Variants in DLGAP1 observed in about 807,000 individuals in gnomAD.
The protein encoded by DLGAP1 is DLG associated protein 1.
DLGAP1 carries 11 observed loss-of-function variants against 90.8 expected under a neutral mutation model. The observed-to-expected ratio is 0.12, with a 90% confidence interval of 0.08 to 0.20. The LOEUF (loss-of-function observed/expected upper bound fraction) is 0.20, where lower values mean the gene tolerates loss of function less well. DLGAP1 is among the 10% of genes least tolerant of loss of function. The pLI is 1.00. For missense variants in DLGAP1, 1,050 were observed against 1,333.8 expected (o/e 0.79, Z 3.31); for synonymous variants, 558 against 540.7 (o/e 1.03, Z -0.44).
intron 1 of DLGAP1, among the ~76,000 whole-genome samples, chr18:4,196,287 G>C (rs1235817566): frequency 1.3e-5 from 2 of 152,148 alleles, no homozygotes; most frequent in Non-Finnish European, 2.9e-5. Flanking sequence ...AGAACATAAG[G>C]GTGGAAACTG....
intron 2 of DLGAP1, among the ~76,000 whole-genome samples, chr18:4,040,878 T>C (rs900269465): frequency 3.3e-5 from 5 of 152,356 alleles, no homozygotes; most frequent in Non-Finnish European, 7.3e-5. Flanking sequence ...AGCTTTATCA[T>C]TGTGGCTGAA....
chr18:3,873,255 C>T (rs2070864144), intron 4 of DLGAP1, among the ~76,000 whole-genome samples: 1 of 151,936 alleles, frequency 6.6e-6, no homozygotes, highest in African/African-American at 2.4e-5. Flanking sequence ...TCACTGATTC[C>T]ACATCCAAAG....
chr18:3,613,027 G>C (rs2057704899), intron 7 of DLGAP1, among the ~76,000 whole-genome samples: 1 of 152,050 alleles, frequency 6.6e-6, no homozygotes, highest in East Asian at 1.9e-4. Context: ...ATTTTTAGTA[G>C]AGATGGGGTT....
intron 4 of DLGAP1, among the ~76,000 whole-genome samples, chr18:3,836,209 C>T (rs2068370234): frequency 6.6e-6 from 1 of 152,086 alleles, no homozygotes; most frequent in African/African-American, 2.4e-5. Context: ...GGTAGCATTG[C>T]TGATGGCAAA....
At chr18:4,163,204 AATATAC>A (rs1459523202) in intron 1 of DLGAP1, among the ~76,000 whole-genome samples, 2 of 152,216 alleles carry the variant, frequency 1.3e-5, no homozygotes, top group African/African-American at 4.8e-5. Flanking sequence ...TATATCTTCT[AATATAC>A]ATATACCCAC....
intron 3 of DLGAP1, among the ~76,000 whole-genome samples, chr18:3,897,688 A>T (rs1021267930): frequency 1.3e-5 from 2 of 152,146 alleles, no homozygotes; most frequent in African/African-American, 2.4e-5. Context: ...CTTATTTATC[A>T]AAGAGGAAGT....
At chr18:3,694,089 C>A (rs1239385999) in intron 7 of DLGAP1, among the ~76,000 whole-genome samples, 1 of 150,742 alleles carries the variant, frequency 6.6e-6, no homozygotes, top group Admixed American at 6.6e-5. Context: ...TCCCTGTGTC[C>A]ATGTGTTCTC....
intron 3 of DLGAP1, among the ~76,000 whole-genome samples, chr18:3,917,207 A>G (rs993862259): frequency 6.6e-6 from 1 of 152,244 alleles, no homozygotes; most frequent in African/African-American, 2.4e-5. Flanking sequence ...GATATTTTCA[A>G]TTTACAATAG....
At chr18:3,562,444 G>A (rs1599254615) in intron 9 of DLGAP1, among the ~76,000 whole-genome samples, 1 of 151,822 alleles carries the variant, frequency 6.6e-6, no homozygotes, top group East Asian at 1.9e-4. Context: ...ATGGGGGTGG[G>A]TCTTTCCCAT....
intron 1 of DLGAP1, among the ~76,000 whole-genome samples, chr18:4,184,225 T>C (rs2077253527): frequency 6.6e-6 from 1 of 152,168 alleles, no homozygotes; most frequent in Admixed American, 6.6e-5. Context: ...AATTTGCTTC[T>C]GCACAGTTTA....
At chr18:3,728,937 G>T (rs1369151697) in intron 7 of DLGAP1, among the ~76,000 whole-genome samples, 198 bp downstream of exon 7, 1 of 152,176 alleles carries the variant, frequency 6.6e-6, no homozygotes, top group Non-Finnish European at 1.5e-5. Context: ...GCCAGAGATA[G>T]AGATGGGAAA....
At chr18:4,099,341 A>ATCTGTCTGTCTG (rs1313283586) in intron 2 of DLGAP1, among the ~76,000 whole-genome samples, 1 of 72,570 alleles carries the variant, frequency 1.4e-5, no homozygotes, top group South Asian at 3.4e-4. Flanking sequence ...CTATCTATCT[A>ATCTGTCTGTCTG]TCTATCTGTC....
chr18:4,397,256 T>C (rs1405504385), intron 1 of DLGAP1, among the ~76,000 whole-genome samples: 1 of 152,250 alleles, frequency 6.6e-6, no homozygotes, highest in Non-Finnish European at 1.5e-5. Context: ...TCAACAACCA[T>C]GACTTAACTA....
At chr18:3,650,110 CT>C (rs1251097850) in intron 7 of DLGAP1, among the ~76,000 whole-genome samples, 13 of 152,154 alleles carry the variant, frequency 8.5e-5, no homozygotes, top group Admixed American at 6.6e-4. Flanking sequence ...GTTGCACAAT[CT>C]CGGCTCACCG....
intron 2 of DLGAP1, among the ~76,000 whole-genome samples, chr18:4,041,388 G>A (rs977298098): frequency 2.0e-5 from 3 of 152,168 alleles, no homozygotes; most frequent in African/African-American, 7.2e-5. Flanking sequence ...ACAGAGGTCA[G>A]ATTGTTACAA....
chr18:4,184,295 G>A (rs2077255378), intron 1 of DLGAP1, among the ~76,000 whole-genome samples: 1 of 152,090 alleles, frequency 6.6e-6, no homozygotes, highest in South Asian at 2.1e-4. Flanking sequence ...TAGCCATCCT[G>A]ACATTACCAA....
intron 7 of DLGAP1, among the ~76,000 whole-genome samples, chr18:3,713,776 A>G (rs1171102399): frequency 6.6e-6 from 1 of 152,218 alleles, no homozygotes; most frequent in Non-Finnish European, 1.5e-5. Context: ...AGCACTCAGG[A>G]GAGCCTGGCG....
chr18:3,857,402 TA>T (rs1416390084), intron 4 of DLGAP1, among the ~76,000 whole-genome samples: 1 of 152,182 alleles, frequency 6.6e-6, no homozygotes, highest in Admixed American at 6.5e-5. Context: ...TAACAATACA[TA>T]TTTTCATTAA....
intron 7 of DLGAP1, among the ~76,000 whole-genome samples, chr18:3,718,929 A>G (rs1420113958): frequency 1.4e-5 from 2 of 144,636 alleles, no homozygotes; most frequent in African/African-American, 5.2e-5. Context: ...TTTGTCTGAA[A>G]AAAAAAAAAA....
Sources: allele counts gnomAD v4.1 joint callset (sites outside exome capture counted in the v4.1 genomes callset), GRCh38; gene constraint gnomAD v4.1.1; transcripts MANE v1.5; gene names NCBI Gene and HGNC (gene_info 2026-07-23, HGNC 2026-07-21).